GRID2: variants seen among roughly 807,000 people sequenced by gnomAD.
The protein encoded by GRID2 is glutamate ionotropic receptor delta type subunit 2, also known as glutamate receptor ionotropic, delta-2.
In GRID2, 33 loss-of-function variants were observed where a neutral mutation model predicts 114.8. The ratio of observed to expected loss-of-function variants is 0.29; its 90% CI spans 0.22 to 0.38. The LOEUF is 0.38. Among genes scored for constraint, GRID2 ranks in the 10% least tolerant of loss-of-function variants. The probability of loss-of-function intolerance (pLI) is 1.00; values close to 1 mark genes in which losing one functional copy is unlikely to be tolerated. For missense variants in GRID2, 1,184 were observed against 1,257.7 expected, an observed-to-expected ratio of 0.94 and a Z score of 0.89; for synonymous variants, 505 against 449.9, an observed-to-expected ratio of 1.12 and a Z score of -1.55.
intron 2 of GRID2, among the ~76,000 whole-genome samples, chr4:93,051,944 A>G (rs902102157): frequency 2.6e-5 from 4 of 151,466 alleles, no homozygotes; most frequent in African/African-American, 9.7e-5. Context: ...CTTTATTGTT[A>G]TATCAGTCAC....
chr4:92,724,505 G>A lies in GRID2; in HGVS notation c.244+134219G>A, dbSNP rs372783595. 6.6e-5 allele frequency among the ~76,000 whole-genome samples: 10 copies of A among 152,222 alleles called. No individual in the cohort carries two copies. In the East Asian group the frequency reaches 7.7e-4, roughly 12 times the overall value. ...AAATCAAAATCTATGCTCCTTAAATGCACATGGGGACTAGATTTATAGCAT... is the reference window on the plus strand; with the variant it reads ...AAATCAAAATCTATGCTCCTTAAATACACATGGGGACTAGATTTATAGCAT... On this transcript the variant is annotated intron_variant, in intron 2 of 15. Coordinates refer to ENST00000282020, the MANE Select transcript of GRID2 (RefSeq NM_001510.4).
chr4:93,379,620 A>T (rs1033987822), intron 8 of GRID2, among the ~76,000 whole-genome samples: 1 of 152,136 alleles, frequency 6.6e-6, no homozygotes, highest in Admixed American at 6.6e-5. Flanking sequence ...AAAATAAAAT[A>T]CTTTGAATCA....
At chr4:93,309,442 G>A (rs573290475) in intron 8 of GRID2, among the ~76,000 whole-genome samples, 3 of 151,788 alleles carry the variant, frequency 2.0e-5, no homozygotes, top group African/African-American at 4.9e-5. Flanking sequence ...GCTGAGACAC[G>A]AGAATTGCTT....
chr4:93,452,613 T>G (rs1722792119), intron 10 of GRID2, among the ~76,000 whole-genome samples: 1 of 152,098 alleles, frequency 6.6e-6, no homozygotes, highest in Non-Finnish European at 1.5e-5. Flanking sequence ...TCCTGTATTG[T>G]GGAAGCAGAT....
At chr4:93,668,828 T>C (rs1286275487) in intron 14 of GRID2, among the ~76,000 whole-genome samples, 2 of 152,046 alleles carry the variant, frequency 1.3e-5, no homozygotes, top group African/African-American at 2.4e-5. Context: ...GAGAAAGATA[T>C]GTGCTATAAA....
intron 1 of GRID2, among the ~76,000 whole-genome samples, chr4:92,476,398 A>C (rs1461279370): frequency 6.6e-6 from 1 of 152,182 alleles, no homozygotes; most frequent in Non-Finnish European, 1.5e-5. Flanking sequence ...TTATTTAAAC[A>C]CGACAACAAT....
At chr4:93,628,578 G>A (rs1742942858) in intron 14 of GRID2, among the ~76,000 whole-genome samples, 1 of 152,120 alleles carries the variant, frequency 6.6e-6, no homozygotes, top group Non-Finnish European at 1.5e-5. Flanking sequence ...ATTTAGTTGT[G>A]AGGATGGAAA....
chr4:93,046,023 A>T (rs1384982294), intron 2 of GRID2, among the ~76,000 whole-genome samples: 2 of 152,162 alleles, frequency 1.3e-5, no homozygotes, highest in Non-Finnish European at 2.9e-5. Flanking sequence ...ATGTCAACCA[A>T]AGATAGAAAC....
At chr4:93,361,021 C>A (rs1458288073) in intron 8 of GRID2, among the ~76,000 whole-genome samples, 3 of 151,782 alleles carry the variant, frequency 2.0e-5, no homozygotes, top group Non-Finnish European at 4.4e-5. Flanking sequence ...TCTCCAAATT[C>A]TATTTTATCT....
intron 2 of GRID2, among the ~76,000 whole-genome samples, chr4:92,705,864 T>G (rs139600610): frequency 6.6e-6 from 1 of 152,184 alleles, no homozygotes. Flanking sequence ...GAGGTACAGA[T>G]AATGAAAATC....
chr4:93,400,984 A>G (rs116572162), intron 9 of GRID2, among the ~76,000 whole-genome samples: 1,790 of 151,918 alleles, frequency 0.012, 30 homozygotes, highest in African/African-American at 0.041. Context: ...CTACAGGTGC[A>G]TGCCACCGTG....
chr4:92,497,100 G>A (rs1341672861), intron 1 of GRID2, among the ~76,000 whole-genome samples: 1 of 151,626 alleles, frequency 6.6e-6, no homozygotes, highest in Non-Finnish European at 1.5e-5. Flanking sequence ...AAAAGCAATA[G>A]TTTGGAGAGT....
At chr4:92,570,139 G>C (rs1448146494) in intron 1 of GRID2, among the ~76,000 whole-genome samples, 1 of 152,078 alleles carries the variant, frequency 6.6e-6, no homozygotes, top group African/African-American at 2.4e-5. Context: ...TTCATATGTG[G>C]TGTAAGGAAG....
intron 14 of GRID2, among the ~76,000 whole-genome samples, chr4:93,676,848 G>A (rs7680389): frequency 0.067 from 10,173 of 151,928 alleles, 396 homozygotes; most frequent in South Asian, 0.11. Flanking sequence ...TAGTGTGAGC[G>A]ATGCAGAAGA....
intron 13 of GRID2, among the ~76,000 whole-genome samples, chr4:93,597,373 G>A (rs540061307): frequency 2.0e-5 from 3 of 152,146 alleles, no homozygotes; most frequent in South Asian, 2.1e-4. Context: ...CTACAGCTCC[G>A]AAACATCATG....
At chr4:93,104,495 T>C (rs985574769) in intron 3 of GRID2, among the ~76,000 whole-genome samples, 2 of 151,690 alleles carry the variant, frequency 1.3e-5, no homozygotes, top group African/African-American at 2.4e-5. Flanking sequence ...GTGTGATATT[T>C]CCCTTCCTGT....
At chr4:93,449,523 A>G (rs1284574606) in intron 10 of GRID2, among the ~76,000 whole-genome samples, 1 of 152,100 alleles carries the variant, frequency 6.6e-6, no homozygotes, top group Admixed American at 6.5e-5. Flanking sequence ...ATAGCAGTTC[A>G]TGTTTTTGAT....
At chr4:92,723,819 A>T (rs903170383) in intron 2 of GRID2, among the ~76,000 whole-genome samples, 1 of 152,168 alleles carries the variant, frequency 6.6e-6, no homozygotes, top group East Asian at 1.9e-4. Context: ...TTATGGCCTC[A>T]TGCCTCTCAC....
At chr4:93,041,875 T>C (rs1305821904) in intron 2 of GRID2, among the ~76,000 whole-genome samples, 1 of 152,066 alleles carries the variant, frequency 6.6e-6, no homozygotes, top group Non-Finnish European at 1.5e-5. Context: ...GACAAAAATA[T>C]ACACACATAT....
Sources: gnomAD v4.1 joint callset for allele counts (sites outside exome capture counted in the v4.1 genomes callset) on GRCh38, gnomAD v4.1.1 for gene constraint, MANE v1.5 for transcripts, NCBI Gene and HGNC (gene_info 2026-07-23, HGNC 2026-07-21) for gene names.